The following SMYD3 variants were observed in gnomAD, a reference collection of about 807,000 sequenced individuals.
SMYD3 encodes histone-lysine N-methyltransferase SMYD3.
Under a neutral mutation model 57.7 loss-of-function variants are expected in SMYD3, and 36 were observed. The observed-to-expected ratio is 0.62, with a 90% CI of 0.48 to 0.82. The LOEUF (loss-of-function observed/expected upper bound fraction) is 0.82, where lower values mean the gene tolerates loss of function less well. SMYD3 is among the 40% of genes least tolerant of loss of function. The pLI, the probability that SMYD3 is intolerant of heterozygous loss-of-function variation, is 0.00. For missense variants in SMYD3, 515 were observed against 538.8 expected (o/e 0.96, Z 0.44); for synonymous variants, 211 against 195.0 (o/e 1.08, Z -0.68).
chr1:245,905,320 G>A (rs2054486506), intron 8 of SMYD3, among the ~76,000 whole-genome samples: 1 of 152,130 alleles, frequency 6.6e-6, no homozygotes, highest in African/African-American at 2.4e-5. Flanking sequence ...TAGCATTTCT[G>A]GGCCTGCCTT....
chr1:245,912,174 C>T (rs1385559626), intron 8 of SMYD3, among the ~76,000 whole-genome samples: 5 of 152,042 alleles, frequency 3.3e-5, no homozygotes, highest in Non-Finnish European at 7.4e-5. Context: ...GATACAAAAT[C>T]AACATGCAAG....
At chr1:246,373,657 T>G (rs2066224557) in intron 1 of SMYD3, among the ~76,000 whole-genome samples, 1 of 152,140 alleles carries the variant, frequency 6.6e-6, no homozygotes, top group Non-Finnish European at 1.5e-5. Context: ...GAAGAAAAGC[T>G]TTTGCCATAT....
intron 5 of SMYD3, among the ~76,000 whole-genome samples, chr1:246,050,714 AG>A (rs1249365827): frequency 4.1e-4 from 63 of 152,244 alleles, no homozygotes; most frequent in Non-Finnish European, 5.9e-5. Flanking sequence ...CCAGTTGGAT[AG>A]TGTGTTTGTT....
intron 5 of SMYD3, among the ~76,000 whole-genome samples, chr1:246,011,187 A>G (rs2059275363): frequency 6.6e-6 from 1 of 152,216 alleles, no homozygotes; most frequent in Admixed American, 6.5e-5. Flanking sequence ...TCCCCATTTC[A>G]TAGATGGGGA....
chr1:246,178,787 G>A (rs72774412), intron 5 of SMYD3: 3,195 of 151,954 alleles, frequency 0.021, 43 homozygotes, highest in Non-Finnish European at 0.029. Flanking sequence ...CATGTTCTAC[G>A]CTAGCCAGAA....
At chr1:245,870,631 C>T (rs1278068256) in intron 8 of SMYD3, among the ~76,000 whole-genome samples, 1 of 152,182 alleles carries the variant, frequency 6.6e-6, no homozygotes, top group African/African-American at 2.4e-5. Context: ...CATCTCACCA[C>T]CACATAAAAG....
intron 5 of SMYD3, chr1:246,035,152 AG>A (rs1457855273): frequency 6.6e-6 from 1 of 152,220 alleles, no homozygotes; most frequent in Non-Finnish European, 1.5e-5. Flanking sequence ...AAGGCCTGAA[AG>A]GATCCATACA....
chr1:245,922,609 A>ATTTTT (rs33954209), intron 7 of SMYD3, among the ~76,000 whole-genome samples: 1 of 150,530 alleles, frequency 6.6e-6, no homozygotes, highest in Non-Finnish European at 1.5e-5. Context: ...CTAATGTCAT[A>ATTTTT]TTTTTTTTTT....
At chr1:245,773,590 A>G (rs973172561) in intron 10 of SMYD3, among the ~76,000 whole-genome samples, 1 of 152,164 alleles carries the variant, frequency 6.6e-6, no homozygotes, top group African/African-American at 2.4e-5. Flanking sequence ...CACTTCATGT[A>G]AACAGTTTCC....
chr1:246,043,811 T>C (rs1360497099), intron 5 of SMYD3, among the ~76,000 whole-genome samples: 1 of 152,206 alleles, frequency 6.6e-6, no homozygotes, highest in African/African-American at 2.4e-5. Context: ...ACAGCGTGCC[T>C]TCCCCTTCCT....
chr1:245,876,147 C>T (rs908098263), intron 8 of SMYD3, among the ~76,000 whole-genome samples: 1 of 152,212 alleles, frequency 6.6e-6, no homozygotes, highest in Non-Finnish European at 1.5e-5. Context: ...CACATACACA[C>T]ACATCCCAGG....
rs559488188 is a variant in SMYD3 at position 246,165,581 on chromosome 1, G to A, written c.531+161620C>T. On this transcript the variant is annotated intron_variant, in intron 5 of 11. Transcript: ENST00000490107. ...GAGAGGTGAAGGGTTAAAAGTCGTC[G>A]AAACAATCTTCCACCTTATAGCCTC... Among the ~76,000 whole-genome samples, 5 of 152,134 alleles carry A rather than the reference G, an allele frequency of 3.3e-5. No individual in the cohort carries two copies. In the South Asian group the frequency reaches 8.3e-4, roughly 25 times the overall value.
chr1:246,316,617 G>A (rs2065164316), intron 5 of SMYD3, among the ~76,000 whole-genome samples: 1 of 144,306 alleles, frequency 6.9e-6, no homozygotes, highest in African/African-American at 2.5e-5. Flanking sequence ...CTGACCTCAG[G>A]TGATCCACCC....
chr1:246,269,275 G>A (rs943075655), intron 5 of SMYD3, among the ~76,000 whole-genome samples: 7 of 152,178 alleles, frequency 4.6e-5, no homozygotes, highest in African/African-American at 1.4e-4. Context: ...GCCTGTGTTA[G>A]TAACTCAATA....
At chr1:246,064,085 C>G (rs534768911) in intron 5 of SMYD3, among the ~76,000 whole-genome samples, 21 of 152,292 alleles carry the variant, frequency 1.4e-4, no homozygotes, top group Non-Finnish European at 2.9e-5. Flanking sequence ...CAATTTTGCT[C>G]CTGAGTAACT....
intron 5 of SMYD3, among the ~76,000 whole-genome samples, chr1:246,082,377 T>C (rs1456001754): frequency 6.6e-6 from 1 of 152,142 alleles, no homozygotes; most frequent in Admixed American, 6.5e-5. Context: ...TTTCAGACGT[T>C]AGCATGCTGG....
In SMYD3 at chr1:245,812,700, C is replaced by CAAAAAA. The variant is rs201426225; in HGVS notation, c.1076+45795_1076+45796insTTTTTT. ...AAATTCTTACTTCTAAACAACAGTT[C>CAAAAAA]CAAAAAAAAAAAAAAAGAGAAAGAG... On this transcript the variant is annotated intron_variant, in intron 10 of 11. Coordinates refer to ENST00000490107, the MANE Select transcript of SMYD3 (RefSeq NM_001167740.2). 2.1e-3 allele frequency among the ~76,000 whole-genome samples: 96 copies of CAAAAAA among 46,556 alleles called. 1 individual carries two copies. The highest frequency in any genetic ancestry group is 2.6e-3 in the East Asian group (5 of 1,926). 30.5% of individuals were successfully genotyped at this position (46,556 alleles called of 152,430 possible).
chr1:245,907,213 A>C (rs1372433022), intron 8 of SMYD3, among the ~76,000 whole-genome samples: 1 of 152,232 alleles, frequency 6.6e-6, no homozygotes, highest in Non-Finnish European at 1.5e-5. Flanking sequence ...AACTTAAAAA[A>C]TGTAATCGGA....
chr1:246,318,280 G>A (rs985923181), intron 5 of SMYD3, among the ~76,000 whole-genome samples: 2 of 152,140 alleles, frequency 1.3e-5, no homozygotes, highest in East Asian at 1.9e-4. Context: ...CAGCTGGGCA[G>A]GGGAATCACT....
Sources: gnomAD v4.1 joint callset for allele counts (sites outside exome capture counted in the v4.1 genomes callset) on GRCh38, gnomAD v4.1.1 for gene constraint, MANE v1.5 for transcripts, NCBI Gene and HGNC (gene_info 2026-07-23, HGNC 2026-07-21) for gene names.